SDK1: variants seen among roughly 807,000 people sequenced by gnomAD.
The protein encoded by SDK1 is sidekick cell adhesion molecule 1, also known as protein sidekick-1.
SDK1 carries 157 observed loss-of-function variants against 245.5 expected under a neutral mutation model. The observed-to-expected ratio is 0.64, with a 90% confidence interval of 0.56 to 0.73. SDK1 has a LOEUF of 0.73. Among genes scored for constraint, SDK1 ranks in the 30% least tolerant of loss-of-function variants. SDK1 has a pLI of 0.00. For synonymous variants in SDK1, 1,647 were observed against 1,278.5 expected, an observed-to-expected ratio of 1.29 and a Z score of -6.15; for missense variants, 3,583 against 3,002.3, an observed-to-expected ratio of 1.19 and a Z score of -4.52.
chr7:3,389,610 C>G (rs1781695479), intron 1 of SDK1, among the ~76,000 whole-genome samples: 1 of 152,082 alleles, frequency 6.6e-6, no homozygotes, highest in Non-Finnish European at 1.5e-5. Context: ...CAACAGAAAA[C>G]TAATACAGGA....
At chr7:3,699,422 CTCAGCAAAGAAATAGAAGAGA>C (rs1784676117) in intron 4 of SDK1, among the ~76,000 whole-genome samples, 1 of 152,030 alleles carries the variant, frequency 6.6e-6, no homozygotes, top group African/African-American at 2.4e-5. Flanking sequence ...AATCGAAAGT[CTCAGCAAAGAAATAGAAGAGA>C]TAATAGAGTA....
chr7:4,186,759 T>C lies in SDK1; in HGVS notation c.5098+8173T>C, dbSNP rs540855468. ...CCTCAAATGCTGTGAGCATGCCTGC[T>C]GTCTGTCCAGTGAGTCTAGGAGGTG... On this transcript the variant is annotated intron_variant, in intron 35 of 44. Coordinates refer to ENST00000404826, the MANE Select transcript of SDK1 (RefSeq NM_152744.4). Among the ~76,000 whole-genome samples the C allele has an allele frequency of 4.6e-5, 7 of 152,304 alleles. No homozygotes were observed. In the South Asian group the frequency reaches 1.4e-3, roughly 32 times the overall value.
intron 5 of SDK1, among the ~76,000 whole-genome samples, chr7:3,869,357 T>C (rs1193454451): frequency 1.3e-5 from 2 of 152,034 alleles, no homozygotes; most frequent in African/African-American, 4.8e-5. Flanking sequence ...GGTTTCACCA[T>C]GTTAGCCAGG....
chr7:3,949,105 A>G (rs191674596), intron 5 of SDK1, among the ~76,000 whole-genome samples: 3 of 152,180 alleles, frequency 2.0e-5, no homozygotes, highest in Admixed American at 2.0e-4. Context: ...AATGTTGGCA[A>G]TTTTACAAAG....
At chr7:4,132,844 G>T (rs1289476340) in intron 28 of SDK1, among the ~76,000 whole-genome samples, 1 of 152,228 alleles carries the variant, frequency 6.6e-6, no homozygotes, top group Non-Finnish European at 1.5e-5. Flanking sequence ...GTCTCCAGCA[G>T]CCTAGCATTT....
chr7:3,807,572 C>T lies in SDK1; in HGVS notation c.714-13878C>T, dbSNP rs188669766. 1.3e-3 allele frequency among the ~76,000 whole-genome samples: 199 copies of T among 152,266 alleles called. 1 individual carries two copies. The highest frequency in any genetic ancestry group is 4.7e-3 in the African/African-American group (194 of 41,546). On this transcript the variant is annotated intron_variant, in intron 4 of 44. Coordinates refer to ENST00000404826, the MANE Select transcript of SDK1 (RefSeq NM_152744.4). ...AGGGGGAGACAGAGACAGACAAAGA[C>T]ACACGAAGACAGGCACACAGAGAGA...
At chr7:3,617,179 A>T (rs1245517806) in intron 1 of SDK1, among the ~76,000 whole-genome samples, 1 of 152,206 alleles carries the variant, frequency 6.6e-6, no homozygotes, top group African/African-American at 2.4e-5. Context: ...TTCCAGCACA[A>T]AGTAAATAAT....
intron 4 of SDK1, among the ~76,000 whole-genome samples, chr7:3,789,171 G>C (rs910652229): frequency 1.3e-5 from 2 of 151,920 alleles, no homozygotes; most frequent in Non-Finnish European, 2.9e-5. Flanking sequence ...TTTTTGGACG[G>C]AGTTTCACTC....
intron 4 of SDK1, among the ~76,000 whole-genome samples, chr7:3,718,777 C>G (rs535840666): frequency 5.9e-5 from 9 of 151,464 alleles, no homozygotes; most frequent in Admixed American, 2.0e-4. Context: ...GAGTACCTAA[C>G]CAGTACAATA....
At chr7:3,609,888 A>C (rs930502707) in intron 1 of SDK1, among the ~76,000 whole-genome samples, 2 of 151,604 alleles carry the variant, frequency 1.3e-5, no homozygotes, top group Non-Finnish European at 1.5e-5. Flanking sequence ...TTTAGTAGAG[A>C]TGGGGTCTTG....
intron 27 of SDK1, 57 bp from the exon 28 acceptor site, chr7:4,132,268 T>C: frequency 1.5e-6 from 2 of 1,374,736 alleles, no homozygotes; most frequent in Non-Finnish European, 2.1e-6. Context: ...GTGTAACCTG[T>C]CACGCACCCA....
chr7:4,218,649 G>A (rs1044503399), intron 38 of SDK1, among the ~76,000 whole-genome samples: 5 of 152,234 alleles, frequency 3.3e-5, no homozygotes, highest in East Asian at 1.9e-4. Context: ...CGACCCTCCC[G>A]CACCAAGGCA....
chr7:3,859,521 CT>C (rs1235555575), intron 5 of SDK1, among the ~76,000 whole-genome samples: 2 of 152,088 alleles, frequency 1.3e-5, no homozygotes, highest in Non-Finnish European at 2.9e-5. Flanking sequence ...TTTTTTCTGT[CT>C]TTCTGCTCTA....
intron 13 of SDK1, among the ~76,000 whole-genome samples, chr7:3,981,732 C>T (rs1256953653): frequency 2.6e-5 from 4 of 152,174 alleles, no homozygotes; most frequent in African/African-American, 9.7e-5. Context: ...CCATAGCTCT[C>T]TTCAGTTTTG....
intron 4 of SDK1, among the ~76,000 whole-genome samples, chr7:3,799,924 T>C (rs535736049): frequency 8.1e-4 from 123 of 152,242 alleles, no homozygotes; most frequent in African/African-American, 2.9e-3. Flanking sequence ...TTTCTTTGTC[T>C]CCTGGGTGAA....
At chr7:4,238,790 C>T (rs1264297392) in intron 42 of SDK1, among the ~76,000 whole-genome samples, 9 of 151,574 alleles carry the variant, frequency 5.9e-5, no homozygotes, top group Non-Finnish European at 1.2e-4. Flanking sequence ...TCAGGTGATC[C>T]ACCTGCCTCA....
intron 40 of SDK1, among the ~76,000 whole-genome samples, chr7:4,222,644 C>G (rs963645046): frequency 1.3e-5 from 2 of 152,178 alleles, no homozygotes; most frequent in African/African-American, 4.8e-5. Context: ...CGTGAAAAAG[C>G]CAAAGGCAAC....
rs746967075 is a variant in SDK1, at chr7:4,029,228, T to TTTTTTTTGTG, written c.2602+11877_2602+11878insTTTTTTGTGT. Among the ~76,000 whole-genome samples, 29 of 112,064 alleles carry TTTTTTTTGTG rather than the reference T, an allele frequency of 2.6e-4. 6 individuals are homozygous for TTTTTTTTGTG. The highest frequency in any genetic ancestry group is 1.2e-3 in the African/African-American group (24 of 20,088). 73.5% of individuals were successfully genotyped at this position (112,064 alleles called of 152,430 possible). On this transcript the variant is annotated intron_variant, in intron 17 of 44. Coordinates refer to ENST00000404826, the MANE Select transcript of SDK1 (RefSeq NM_152744.4). Reference sequence around the variant, plus strand: ...TTTTATTCTTTCTTTTTTTTTTTTTTTGTGAAGAAGTCTCACTCTGTCATC... The same window carrying TTTTTTTTGTG: ...TTTTATTCTTTCTTTTTTTTTTTTTTTTTTTTTGTGTGTGAAGAAGTCTCACTCTGTCATC...
intron 1 of SDK1, among the ~76,000 whole-genome samples, chr7:3,545,352 A>G (rs1433979298): frequency 1.3e-5 from 2 of 152,182 alleles, no homozygotes; most frequent in African/African-American, 4.8e-5. Flanking sequence ...GTTAATGGCT[A>G]AAGTGAGGCC....
Sources: gnomAD v4.1 joint callset for allele counts (sites outside exome capture counted in the v4.1 genomes callset) on GRCh38, gnomAD v4.1.1 for gene constraint, MANE v1.5 for transcripts, NCBI Gene and HGNC (gene_info 2026-07-23, HGNC 2026-07-21) for gene names.